The following AGBL1 variants were observed in gnomAD, a reference collection of about 807,000 sequenced individuals.
The protein encoded by AGBL1 is cytosolic carboxypeptidase 4.
Under a neutral mutation model 118.9 loss-of-function variants are expected in AGBL1, and 130 were observed. That is an observed-to-expected ratio of 1.09 (90% CI 0.95 to 1.26). The LOEUF (loss-of-function observed/expected upper bound fraction) is 1.26. AGBL1 is among the 50% of genes most tolerant of loss of function. The pLI is 0.00. For synonymous variants in AGBL1, 555 were observed against 478.9 expected (o/e 1.16, Z -2.08); for missense variants, 1,584 against 1,298.1 (o/e 1.22, Z -3.38).
intron 5 of AGBL1, among the ~76,000 whole-genome samples, chr15:86,167,267 A>T (rs114025233): frequency 0.026 from 3,733 of 145,920 alleles, 142 homozygotes; most frequent in African/African-American, 0.09. Flanking sequence ...TTTTTTTGAG[A>T]TCAAGTCTCA....
chr15:86,893,316 T>C (rs1345065725), intron 22 of AGBL1, among the ~76,000 whole-genome samples: 2 of 152,140 alleles, frequency 1.3e-5, no homozygotes, highest in Non-Finnish European at 2.9e-5. Flanking sequence ...TCTTGAGCAT[T>C]ACCTCAGCAT....
At chr15:86,949,832 C>T (rs915059780) in intron 23 of AGBL1, among the ~76,000 whole-genome samples, 1 of 151,854 alleles carries the variant, frequency 6.6e-6, no homozygotes, top group African/African-American at 2.4e-5. Context: ...CTCACTATAC[C>T]CAATGATAGC....
chr15:86,573,213 A>G (rs1207728769), intron 21 of AGBL1, among the ~76,000 whole-genome samples: 2 of 152,228 alleles, frequency 1.3e-5, no homozygotes, highest in Non-Finnish European at 2.9e-5. Context: ...TTTCATCTAC[A>G]TTCTTCATTC....
At chr15:86,523,434 C>A (rs2142202285) in intron 19 of AGBL1, among the ~76,000 whole-genome samples, 1 of 152,198 alleles carries the variant, frequency 6.6e-6, no homozygotes, top group South Asian at 2.1e-4. Context: ...ATCATACCTG[C>A]AAAGACCCTG....
At chr15:86,964,214 C>A (rs1355681147) in intron 23 of AGBL1, among the ~76,000 whole-genome samples, 1 of 151,970 alleles carries the variant, frequency 6.6e-6, no homozygotes, top group Non-Finnish European at 1.5e-5. Flanking sequence ...ACTCTTCAAT[C>A]ACTCTTTTGC....
rs373602914 is a variant in AGBL1, at chr15:86,140,205, T to C, written c.52-1799T>C. The C allele has an allele frequency of 2.2e-4, 33 of 152,494 alleles. No individual in the cohort carries two copies. In the South Asian group the frequency reaches 5.8e-3, roughly 27 times the overall value. 9.4% of individuals were successfully genotyped at this position (152,494 alleles called of 1,614,324 possible). On this transcript the variant is annotated intron_variant, in intron 1 of 22. Coordinates refer to ENST00000614907, the MANE Select transcript of AGBL1 (RefSeq NM_001386094.1). ...TTAATCAATTAGTTGATTTTTTCAATTAATTAATTTTGATTTGTAAAAATA... is the reference window on the plus strand; with the variant it reads ...TTAATCAATTAGTTGATTTTTTCAACTAATTAATTTTGATTTGTAAAAATA...
At chr15:86,289,584 A>C (rs2079512115) in intron 16 of AGBL1, among the ~76,000 whole-genome samples, 1 of 152,182 alleles carries the variant, frequency 6.6e-6, no homozygotes. Context: ...AATTTACATC[A>C]GTTTTTTCAG....
intron 18 of AGBL1, among the ~76,000 whole-genome samples, chr15:86,415,544 C>T (rs1481118110): frequency 6.6e-6 from 1 of 152,136 alleles, no homozygotes; most frequent in African/African-American, 2.4e-5. Context: ...TATACTTTAA[C>T]ACCTATAAAA....
At chr15:86,085,002 A>T (rs889059531) in intron 1 of AGBL1, among the ~76,000 whole-genome samples, 9 of 152,240 alleles carry the variant, frequency 5.9e-5, no homozygotes, top group African/African-American at 1.7e-4. Context: ...AGAAGTGGTA[A>T]GCATATTGGT....
chr15:87,004,294 A>ACT (rs199819143), intron 24 of AGBL1, among the ~76,000 whole-genome samples: 15,029 of 151,754 alleles, frequency 0.099, 1,324 homozygotes, highest in African/African-American at 0.23. Context: ...GGGGTGTTAG[A>ACT]CTCCCACACA....
chr15:86,381,613 A>G (rs2081113820), intron 17 of AGBL1, among the ~76,000 whole-genome samples: 1 of 152,202 alleles, frequency 6.6e-6, no homozygotes, highest in Non-Finnish European at 1.5e-5. Flanking sequence ...AGGGCCAGAC[A>G]GCATAGGAGA....
At chr15:86,195,000 T>C (rs925386800) in intron 5 of AGBL1, among the ~76,000 whole-genome samples, 2 of 152,230 alleles carry the variant, frequency 1.3e-5, no homozygotes, top group Admixed American at 6.5e-5. Context: ...TCTTTTATTA[T>C]AGTCACTAAG....
At chr15:86,560,408 C>A (rs763947824) in intron 21 of AGBL1, among the ~76,000 whole-genome samples, 19 of 151,656 alleles carry the variant, frequency 1.3e-4, no homozygotes, top group Non-Finnish European at 1.9e-4. Context: ...TTTGTCCCTG[C>A]AACAGTTGGC....
intron 22 of AGBL1, among the ~76,000 whole-genome samples, chr15:86,732,127 C>T (rs2077534832): frequency 6.6e-6 from 1 of 152,278 alleles, no homozygotes; most frequent in South Asian, 2.1e-4. Context: ...AATTTGCGGA[C>T]AGTAAATAGC....
At chr15:86,474,228 G>A (rs2082520395) in intron 18 of AGBL1, among the ~76,000 whole-genome samples, 1 of 152,174 alleles carries the variant, frequency 6.6e-6, no homozygotes, top group South Asian at 2.1e-4. Context: ...GACGGTGGGT[G>A]CAGGAGAGTG....
chr15:86,757,885 A>T (rs1380965077), intron 22 of AGBL1, among the ~76,000 whole-genome samples: 1 of 152,094 alleles, frequency 6.6e-6, no homozygotes, highest in East Asian at 1.9e-4. Context: ...AATGATTCTG[A>T]TTTTAAAATG....
chr15:86,419,970 GC>G (rs2081763592), intron 18 of AGBL1, among the ~76,000 whole-genome samples: 1 of 152,160 alleles, frequency 6.6e-6, no homozygotes, highest in Non-Finnish European at 1.5e-5. Context: ...CCAGTCAGGG[GC>G]TTATAAATAA....
intron 21 of AGBL1, among the ~76,000 whole-genome samples, chr15:86,607,183 G>T (rs1352836076): frequency 6.6e-6 from 1 of 152,160 alleles, no homozygotes; most frequent in Non-Finnish European, 1.5e-5. Flanking sequence ...ATTATCTGGA[G>T]GTACCACAGT....
At chr15:86,611,640 C>G (rs545558502) in intron 21 of AGBL1, among the ~76,000 whole-genome samples, 1 of 152,214 alleles carries the variant, frequency 6.6e-6, no homozygotes, top group African/African-American at 2.4e-5. Flanking sequence ...TTATTGCAGC[C>G]TTTTCTGTCA....
Sources: gnomAD v4.1 joint callset for allele counts (sites outside exome capture counted in the v4.1 genomes callset) on GRCh38, gnomAD v4.1.1 for gene constraint, MANE v1.5 for transcripts, NCBI Gene and HGNC (gene_info 2026-07-23, HGNC 2026-07-21) for gene names.